OSBPL10: variants seen among roughly 807,000 people sequenced by gnomAD.
OSBPL10 encodes the protein oxysterol-binding protein-related protein 10.
In OSBPL10, 49 loss-of-function variants were observed where a neutral mutation model predicts 81.7. The ratio of observed to expected loss-of-function variants is 0.60; its 90% confidence interval spans 0.48 to 0.76. OSBPL10 has a LOEUF of 0.76. OSBPL10 is among the 30% of genes least tolerant of loss of function. The pLI, the probability that OSBPL10 is intolerant of heterozygous loss-of-function variation, is 0.00. For synonymous variants in OSBPL10, 419 were observed against 383.6 expected (o/e 1.09, Z -1.08); for missense variants, 923 against 987.8 (o/e 0.93, Z 0.88).
At chr3:32,074,201 A>C (rs1322883804) in intron 1 of OSBPL10, among the ~76,000 whole-genome samples, 1 of 152,094 alleles carries the variant, frequency 6.6e-6, no homozygotes, top group Non-Finnish European at 1.5e-5. Context: ...TACTTTCTAG[A>C]CAGATTTGGT....
At chr3:31,963,601 T>C (rs181516724) in intron 1 of OSBPL10, among the ~76,000 whole-genome samples, 3 of 152,242 alleles carry the variant, frequency 2.0e-5, no homozygotes, top group Admixed American at 2.0e-4. Flanking sequence ...CCTGGCTTGC[T>C]CCCTTGCTAT....
intron 1 of OSBPL10, among the ~76,000 whole-genome samples, chr3:31,968,773 TAACTA>T (rs1441514754): frequency 6.6e-6 from 1 of 152,130 alleles, no homozygotes; most frequent in Non-Finnish European, 1.5e-5. Flanking sequence ...AATTCCAAAT[TAACTA>T]AACAACTATA....
intron 1 of OSBPL10, among the ~76,000 whole-genome samples, chr3:31,891,526 T>G (rs972258637): frequency 1.4e-4 from 21 of 152,344 alleles, no homozygotes; most frequent in East Asian, 1.3e-3. Context: ...CCCAAAGGTC[T>G]GCCTGCTTAT....
At chr3:31,891,187 G>A (rs148139723) in intron 1 of OSBPL10, among the ~76,000 whole-genome samples, 63 of 152,244 alleles carry the variant, frequency 4.1e-4, no homozygotes, top group African/African-American at 1.3e-3. Context: ...AGTGTGATTC[G>A]GCAGTCAGAG....
intron 8 of OSBPL10, 71 bp from the exon 9 acceptor site, chr3:31,671,054 A>T (rs1700312032): frequency 7.1e-7 from 1 of 1,414,958 alleles, no homozygotes; most frequent in South Asian, 1.4e-5. Flanking sequence ...AGAAGAAATG[A>T]AGATGGGAAA....
At chr3:31,906,538 C>T (rs937661265) in intron 1 of OSBPL10, among the ~76,000 whole-genome samples, 11 of 152,160 alleles carry the variant, frequency 7.2e-5, no homozygotes, top group African/African-American at 2.7e-4. Flanking sequence ...GCCAAAACTA[C>T]TCTCCATAAC....
chr3:31,808,315 G>C (rs1056014427), intron 4 of OSBPL10, among the ~76,000 whole-genome samples: 6 of 152,182 alleles, frequency 3.9e-5, no homozygotes, highest in African/African-American at 1.4e-4. Context: ...AGAGGTGATG[G>C]CCAGGAAAGG....
At chr3:32,035,929 T>C (rs1024756578) in intron 2 of OSBPL10, among the ~76,000 whole-genome samples, 3 of 152,194 alleles carry the variant, frequency 2.0e-5, no homozygotes, top group Admixed American at 6.5e-5. Flanking sequence ...TGAAACTCTG[T>C]ATCCATCAAA....
chr3:31,724,722 G>C (rs950690619), intron 6 of OSBPL10, among the ~76,000 whole-genome samples: 2 of 152,206 alleles, frequency 1.3e-5, no homozygotes, highest in African/African-American at 4.8e-5. Flanking sequence ...GACAGCTCAT[G>C]AAAGCTGCCA....
At chr3:31,806,355 C>A (rs1340510056) in intron 4 of OSBPL10, among the ~76,000 whole-genome samples, 1 of 152,230 alleles carries the variant, frequency 6.6e-6, no homozygotes, top group African/African-American at 2.4e-5. Context: ...TTCCTCGCCA[C>A]TGCACTCCCC....
chr3:32,026,647 G>A (rs1380008081), intron 2 of OSBPL10, among the ~76,000 whole-genome samples: 2 of 152,182 alleles, frequency 1.3e-5, no homozygotes, highest in Non-Finnish European at 2.9e-5. Flanking sequence ...GTTAATATCT[G>A]CATTACCTTT....
intron 11 of OSBPL10, chr3:31,663,802 C>G: frequency 7.4e-7 from 1 of 1,359,652 alleles, no homozygotes; most frequent in Non-Finnish European, 9.5e-7. Flanking sequence ...CATCGCGATC[C>G]CTCACAGGCA....
intron 8 of OSBPL10, among the ~76,000 whole-genome samples, chr3:31,682,728 T>A (rs1438609006): frequency 1.3e-5 from 2 of 152,224 alleles, no homozygotes; most frequent in East Asian, 3.8e-4. Flanking sequence ...ATTTATTTCA[T>A]TTCCCCGTGA....
At position 31,965,688 on chromosome 3, in the gene OSBPL10, TAAAATATA is replaced by T. The variant is rs1205291446; in HGVS notation, c.281+15203_281+15210del. ...TATATTTTATATAATATATATTATATAAAATATATAATATATTATATAAAATATATAAT... is the reference window on the plus strand; with the variant it reads ...TATATTTTATATAATATATATTATATTAATATATTATATAAAATATATAAT... On this transcript the variant is annotated intron_variant, in intron 1 of 11. Coordinates refer to ENST00000396556, the MANE Select transcript of OSBPL10 (RefSeq NM_017784.5). 8.0e-3 allele frequency among the ~76,000 whole-genome samples: 324 copies of T among 40,712 alleles called. 37 individuals are homozygous for T. In the East Asian group the frequency reaches 0.21, roughly 27 times the overall value. 26.7% of individuals were successfully genotyped at this position (40,712 alleles called of 152,430 possible).
intron 1 of OSBPL10, among the ~76,000 whole-genome samples, chr3:31,952,932 T>C (rs1285046505): frequency 6.9e-6 from 1 of 145,004 alleles, no homozygotes; most frequent in East Asian, 2.0e-4. Flanking sequence ...CTTCCTACTT[T>C]TTTTTTTTTT....
intron 5 of OSBPL10, among the ~76,000 whole-genome samples, chr3:31,738,193 A>G (rs1261602960): frequency 6.6e-6 from 1 of 152,062 alleles, no homozygotes; most frequent in African/African-American, 2.4e-5. Context: ...AATCAATGGG[A>G]AAAAAATGCA....
At chr3:32,042,443 C>T (rs1184542031) in intron 2 of OSBPL10, among the ~76,000 whole-genome samples, 2 of 152,144 alleles carry the variant, frequency 1.3e-5, no homozygotes, top group East Asian at 1.9e-4. Flanking sequence ...TCCTTAAAGG[C>T]TCAGCAAAAG....
intron 1 of OSBPL10, among the ~76,000 whole-genome samples, chr3:31,934,460 G>C (rs1697332733): frequency 6.7e-6 from 1 of 149,386 alleles, no homozygotes; most frequent in Non-Finnish European, 1.5e-5. Context: ...CCAGGCTGGA[G>C]TGCAATGGCA....
At chr3:31,757,601 A>T (rs1697926097) in intron 4 of OSBPL10, among the ~76,000 whole-genome samples, 1 of 152,254 alleles carries the variant, frequency 6.6e-6, no homozygotes, top group Non-Finnish European at 1.5e-5. Context: ...ACTAAGAAAC[A>T]CATCACAGAC....
Sources: allele counts gnomAD v4.1 joint callset (sites outside exome capture counted in the v4.1 genomes callset), GRCh38; gene constraint gnomAD v4.1.1; transcripts MANE v1.5; gene names NCBI Gene and HGNC (gene_info 2026-07-23, HGNC 2026-07-21).